Variants in TRIP12 observed in about 807,000 individuals in gnomAD.
TRIP12 encodes E3 ubiquitin-protein ligase TRIP12.
A neutral mutation model predicts 244.2 loss-of-function variants in TRIP12; 25 were observed. That is an observed-to-expected ratio of 0.10 (90% CI 0.07 to 0.14). The LOEUF (loss-of-function observed/expected upper bound fraction) is 0.14. Among genes scored for constraint, TRIP12 ranks in the 10% least tolerant of loss-of-function variants. TRIP12 has a pLI of 1.00. For missense variants in TRIP12, 1,677 were observed against 2,486.4 expected, an observed-to-expected ratio of 0.67 and a Z score of 6.92; for synonymous variants, 905 against 873.1, an observed-to-expected ratio of 1.04 and a Z score of -0.64.
At chr2:229,904,145 G>T (rs1327764261) in intron 1 of TRIP12, among the ~76,000 whole-genome samples, 1 of 152,172 alleles carries the variant, frequency 6.6e-6, no homozygotes, top group East Asian at 1.9e-4. Context: ...TTCTGGCCAG[G>T]TGTGGTGGAT....
At chr2:229,774,067 G>C (rs1440882088) in intron 38 of TRIP12, 30 bp downstream of exon 38, 4 of 1,602,470 alleles carry the variant, frequency 2.5e-6, no homozygotes, top group Non-Finnish European at 3.4e-6. Flanking sequence ...CTTCACAACT[G>C]GCCTACCCCC....
chr2:229,766,438 A>T lies in TRIP12; in HGVS notation c.*1116T>A, dbSNP rs1340728271. The T allele has an allele frequency of 6.6e-6, 1 of 152,214 alleles. No homozygotes were observed. The highest frequency in any genetic ancestry group is 1.5e-5 in the Non-Finnish European group (1 of 68,038). 9.4% of individuals were successfully genotyped at this position (152,214 alleles called of 1,614,324 possible). On this transcript the variant is annotated 3_prime_UTR_variant, in exon 42 of 42. Transcript: ENST00000675903. ...ACATTAACCTGATGGATTATTGCAG[A>T]TTTGAGAAATCAGCACATAAAATGA...
At chr2:229,919,912 AG>A (rs1296523387) in intron 1 of TRIP12, among the ~76,000 whole-genome samples, 2 of 152,272 alleles carry the variant, frequency 1.3e-5, no homozygotes, top group African/African-American at 4.8e-5. Flanking sequence ...AACACACAGC[AG>A]GAAGTGTCAA....
intron 17 of TRIP12, among the ~76,000 whole-genome samples, chr2:229,806,369 G>C (rs1374019930): frequency 6.6e-6 from 1 of 152,170 alleles, no homozygotes; most frequent in Non-Finnish European, 1.5e-5. Flanking sequence ...AAGACTGAAA[G>C]GGACACAACT....
Position 229,792,242 on chromosome 2 carries a change from G to C in TRIP12, c.4142-16C>G. On this transcript the variant is annotated splice_polypyrimidine_tract_variant and intron_variant, in intron 27 of 41. Coordinates refer to ENST00000675903, the MANE Select transcript of TRIP12 (RefSeq NM_001348323.3). The stretch of plus-strand genomic sequence containing the variant: ...CTTCCATACCCTGAAGACCCAAGTA[G>C]ACTTTTAAACTCTTAGCGATTTTAG... 1 of 1,611,160 alleles carries C rather than the reference G, an allele frequency of 6.2e-7. No homozygotes were observed. Among genetic ancestry groups the C allele is most frequent in the Non-Finnish European group, 8.5e-7 (1 of 1,178,854 alleles).
chr2:229,809,893 T>A (rs547644324), intron 15 of TRIP12, among the ~76,000 whole-genome samples: 1 of 152,208 alleles, frequency 6.6e-6, no homozygotes, highest in Non-Finnish European at 1.5e-5. Flanking sequence ...TACTGCTAAA[T>A]ATACTGTCTC....
chr2:229,850,820 C>G (rs2058526337), intron 4 of TRIP12, among the ~76,000 whole-genome samples: 1 of 152,246 alleles, frequency 6.6e-6, no homozygotes, highest in Admixed American at 6.5e-5. Flanking sequence ...GAGGAGCAGC[C>G]GGCCCTGCCG....
upstream of TRIP12, chr2:229,922,538 C>G: frequency 6.2e-7 from 1 of 1,613,982 alleles, no homozygotes; most frequent in African/African-American, 1.3e-5. Flanking sequence ...GCCGGAGACT[C>G]TCTTTGAAAC....
chr2:229,819,777 G>A (rs2049533646), intron 8 of TRIP12, among the ~76,000 whole-genome samples: 1 of 152,032 alleles, frequency 6.6e-6, no homozygotes, highest in Non-Finnish European at 1.5e-5. Flanking sequence ...ATATATGTCT[G>A]GAAACTGTCA....
At chr2:229,800,477 A>G (rs7604878) in intron 21 of TRIP12, among the ~76,000 whole-genome samples, 76,951 of 151,834 alleles carry the variant, frequency 0.51, 19,849 homozygotes, top group African/African-American at 0.6. Context: ...AAATTGGAAA[A>G]TTTCCAACAC....
chr2:229,800,052 G>C (rs577436447), intron 21 of TRIP12, among the ~76,000 whole-genome samples: 7 of 152,288 alleles, frequency 4.6e-5, no homozygotes, highest in African/African-American at 1.7e-4. Context: ...TCACCAACCT[G>C]AAAAAGAATG....
intron 9 of TRIP12, among the ~76,000 whole-genome samples, chr2:229,815,531 T>C (rs1313041254): frequency 6.6e-6 from 1 of 152,188 alleles, no homozygotes; most frequent in African/African-American, 2.4e-5. Context: ...TGCTGCTAGA[T>C]AACCATCACC....
intron 1 of TRIP12, among the ~76,000 whole-genome samples, chr2:229,918,253 G>A (rs963525328): frequency 1.3e-5 from 2 of 152,044 alleles, no homozygotes; most frequent in Non-Finnish European, 2.9e-5. Flanking sequence ...TTTAAATGAG[G>A]GAAAAGTCCA....
intron 8 of TRIP12, among the ~76,000 whole-genome samples, chr2:229,828,984 AT>A (rs1380083515): frequency 6.6e-6 from 1 of 152,148 alleles, no homozygotes; most frequent in Non-Finnish European, 1.5e-5. Context: ...CTTTATTCTT[AT>A]TTTGTTCAAA....
rs755386181 is a variant in TRIP12, at chr2:229,807,845, G to A, written c.2359C>T (p.Pro787Ser). 1.9e-6 allele frequency: 3 copies of A among 1,613,710 alleles called. No homozygotes were observed. The South Asian group carries it at 3.3e-5, about 18-fold the overall frequency. ...SLICELMPCL[P>S]KEGIFAVDTM... ...TCAACTGCAAAAATGCCTTCTTTTG[G>A]TAAACATGGCATAAGTTCACTGAAA... The change falls in exon 17 of 42, where the codon CCA becomes TCA. Residue 787 changes from proline to serine, a missense_variant. Pro to Ser is a moderately conservative substitution (Grantham distance 74). Around this residue, in one of 11 missense-constraint regions of TRIP12, gnomAD observed 572 missense variants for 867.8 expected, o/e 0.66. Transcript: ENST00000675903.
At chr2:229,908,116 T>C (rs539999604) in intron 1 of TRIP12, among the ~76,000 whole-genome samples, 36 of 152,170 alleles carry the variant, frequency 2.4e-4, no homozygotes, top group Non-Finnish European at 5.1e-4. Flanking sequence ...CTAAGCTATA[T>C]AAAGTACCAC....
At chr2:229,856,809 TTTCC>T (rs1426111340) in intron 4 of TRIP12, among the ~76,000 whole-genome samples, 1 of 152,208 alleles carries the variant, frequency 6.6e-6, no homozygotes, top group Non-Finnish European at 1.5e-5. Context: ...TGGACCTTTT[TTTCC>T]TTCTCACTTC....
At chr2:229,887,001 C>A (rs370707808) in intron 1 of TRIP12, among the ~76,000 whole-genome samples, 1 of 151,984 alleles carries the variant, frequency 6.6e-6, no homozygotes, top group Non-Finnish European at 1.5e-5. Flanking sequence ...AACCCTAAGG[C>A]TACAAAGCTA....
chr2:229,809,740 T>C (rs1174087949), intron 15 of TRIP12, among the ~76,000 whole-genome samples: 1 of 152,226 alleles, frequency 6.6e-6, no homozygotes, highest in East Asian at 1.9e-4. Context: ...AATACCAAGT[T>C]TGGAAAAGAC....
Sources: allele counts gnomAD v4.1 joint callset (sites outside exome capture counted in the v4.1 genomes callset), GRCh38; gene constraint gnomAD v4.1.1; regional missense constraint gnomAD v4.1.1; transcripts MANE v1.5; gene names NCBI Gene and HGNC (gene_info 2026-07-23, HGNC 2026-07-21).